Variants in CNKSR2 observed in about 807,000 individuals in gnomAD.
The protein encoded by CNKSR2 is CNK homolog protein 2.
A neutral mutation model predicts 84.4 loss-of-function variants in CNKSR2; 14 were observed. The observed-to-expected ratio is 0.17, with a 90% CI of 0.11 to 0.26. The LOEUF (loss-of-function observed/expected upper bound fraction) is 0.26, where lower values mean the gene tolerates loss of function less well. Ranked by LOEUF, CNKSR2 falls within the 10% of genes least tolerant of loss-of-function variation. The pLI is 1.00. For synonymous variants in CNKSR2, 275 were observed against 277.9 expected (o/e 0.99, Z 0.10); for missense variants, 485 against 771.2 (o/e 0.63, Z 4.40).
intron 13 of CNKSR2, among the ~76,000 whole-genome samples, chrX:21,568,778 A>G (rs1349741977): frequency 3.6e-5 from 4 of 111,830 alleles, no homozygotes; most frequent in Non-Finnish European, 5.6e-5. Context: ...CATTTTACAG[A>G]CTAGAAAGCT....
At chrX:21,428,728 G>C (rs1021092804) in intron 2 of CNKSR2, 4 of 111,252 alleles carry the variant, frequency 3.6e-5, no homozygotes, top group African/African-American at 1.3e-4. Flanking sequence ...GACAGGATAA[G>C]AACAGTTTTC....
At chrX:21,578,037 A>T (rs778300922) in intron 13 of CNKSR2, among the ~76,000 whole-genome samples, 1 of 111,494 alleles carries the variant, frequency 9.0e-6, no homozygotes, top group South Asian at 3.7e-4. Context: ...TGACTCTGAC[A>T]GCAATTGGCA....
chrX:21,597,209 C>T (rs1229057540), intron 17 of CNKSR2, among the ~76,000 whole-genome samples: 1 of 111,511 alleles, frequency 9.0e-6, no homozygotes, highest in Non-Finnish European at 1.9e-5. Flanking sequence ...CTATAAAATC[C>T]TTCTTGGCCC....
At chrX:21,568,392 A>G (rs1228310346) in intron 13 of CNKSR2, among the ~76,000 whole-genome samples, 3 of 112,186 alleles carry the variant, frequency 2.7e-5, no homozygotes, top group Non-Finnish European at 5.6e-5. Context: ...ATGTAGGTAT[A>G]CTTTCATAAA....
chrX:21,545,509 A>G (rs1232312364), intron 11 of CNKSR2, among the ~76,000 whole-genome samples: 1 of 111,959 alleles, frequency 8.9e-6, no homozygotes, highest in Admixed American at 9.4e-5. Flanking sequence ...AGACTTAAAC[A>G]TTCCTGTCTG....
At chrX:21,529,903 C>T (rs1196051886) in intron 10 of CNKSR2, among the ~76,000 whole-genome samples, 2 of 110,835 alleles carry the variant, frequency 1.8e-5, no homozygotes, top group African/African-American at 6.5e-5. Flanking sequence ...CAAGATGTTT[C>T]CATATAAATA....
chrX:21,440,574 A>C (rs949616514), intron 3 of CNKSR2, 120 bp from the exon 4 acceptor site: 2 of 309,229 alleles, frequency 6.5e-6, no homozygotes, highest in Non-Finnish European at 1.1e-5. Flanking sequence ...TATTTTTATC[A>C]GTATGGAAAT....
At chrX:21,577,488 A>G (rs1187338219) in intron 13 of CNKSR2, among the ~76,000 whole-genome samples, 1 of 111,554 alleles carries the variant, frequency 9.0e-6, no homozygotes, top group African/African-American at 3.3e-5. Context: ...GTAATTAAAA[A>G]CTATTTGGGG....
intron 11 of CNKSR2, among the ~76,000 whole-genome samples, chrX:21,543,288 G>A (rs768382499): frequency 1.9e-4 from 21 of 112,402 alleles, no homozygotes; most frequent in Non-Finnish European, 3.8e-4. Flanking sequence ...TAAAATGTAC[G>A]ATTTCCAAAG....
At chrX:21,449,705 C>T (rs774934896) in intron 4 of CNKSR2, among the ~76,000 whole-genome samples, 9 of 111,649 alleles carry the variant, frequency 8.1e-5, no homozygotes, top group Non-Finnish European at 1.3e-4. Flanking sequence ...CACTTCAAAG[C>T]CCAGGCTGAT....
intron 6 of CNKSR2, among the ~76,000 whole-genome samples, chrX:21,497,169 C>G (rs1374425423): frequency 9.0e-6 from 1 of 110,756 alleles, no homozygotes; most frequent in African/African-American, 3.3e-5. Context: ...GTCCTTTTTA[C>G]TGGGGGAAGG....
intron 11 of CNKSR2, among the ~76,000 whole-genome samples, chrX:21,555,669 T>C (rs2092133636): frequency 9.0e-6 from 1 of 111,686 alleles, no homozygotes; most frequent in Admixed American, 9.5e-5. Flanking sequence ...CATCAAAATA[T>C]TGGCTAAAAT....
chrX:21,430,548 T>A (rs1166777146), intron 2 of CNKSR2, among the ~76,000 whole-genome samples: 3 of 111,908 alleles, frequency 2.7e-5, no homozygotes, highest in African/African-American at 9.7e-5. Context: ...GAGATTACTA[T>A]AATTTGTTGG....
chrX:21,427,279 T>G (rs1367617522), intron 2 of CNKSR2: 1 of 111,962 alleles, frequency 8.9e-6, no homozygotes, highest in African/African-American at 3.2e-5. Context: ...CACCATTTTT[T>G]TTTCTGTTTA....
At chrX:21,603,467 G>A (rs1469744206) in intron 18 of CNKSR2, among the ~76,000 whole-genome samples, 1 of 112,245 alleles carries the variant, frequency 8.9e-6, no homozygotes, top group Non-Finnish European at 1.9e-5. Flanking sequence ...TTTGAGGACT[G>A]GGAATGTTTC....
intron 1 of CNKSR2, among the ~76,000 whole-genome samples, chrX:21,410,790 T>TTG (rs36094917): frequency 0.052 from 5,393 of 103,682 alleles, 152 homozygotes; most frequent in African/African-American, 0.073. Context: ...CACCAAAGGA[T>TTG]TGTGTGTGTG....
At chrX:21,451,461 A>G (rs1442356824) in intron 4 of CNKSR2, among the ~76,000 whole-genome samples, 3 of 110,276 alleles carry the variant, frequency 2.7e-5, no homozygotes, top group African/African-American at 9.9e-5. Context: ...ATGCCTAACA[A>G]TGATAGACTG....
intron 5 of CNKSR2, among the ~76,000 whole-genome samples, chrX:21,482,818 T>A (rs1229150677): frequency 9.0e-6 from 1 of 111,565 alleles, no homozygotes; most frequent in African/African-American, 3.3e-5. Flanking sequence ...CATGAATGGC[T>A]TAATGAAGGC....
intron 5 of CNKSR2, among the ~76,000 whole-genome samples, chrX:21,486,141 A>G: frequency 8.9e-6 from 1 of 112,132 alleles, no homozygotes; most frequent in Non-Finnish European, 1.9e-5. Flanking sequence ...AAATTAAAAT[A>G]AAATAAAATA....
Sources: gnomAD v4.1 joint callset for allele counts (sites outside exome capture counted in the v4.1 genomes callset) on GRCh38, gnomAD v4.1.1 for gene constraint, MANE v1.5 for transcripts, NCBI Gene and HGNC (gene_info 2026-07-23, HGNC 2026-07-21) for gene names.